The following PRLR variants were observed in gnomAD, a reference collection of about 807,000 sequenced individuals.
PRLR encodes the protein hPRL receptor.
A neutral mutation model predicts 40.2 loss-of-function variants in PRLR; 13 were observed. The observed-to-expected ratio is 0.32, with a 90% CI of 0.21 to 0.51. The LOEUF (loss-of-function observed/expected upper bound fraction) is 0.51, where lower values mean the gene tolerates loss of function less well. PRLR is among the 20% of genes least tolerant of loss of function. The probability of loss-of-function intolerance (pLI) is 0.97; values close to 1 mark genes in which losing one functional copy is unlikely to be tolerated. For synonymous variants in PRLR, 269 were observed against 278.7 expected (o/e 0.97, Z 0.35); for missense variants, 656 against 747.3 (o/e 0.88, Z 1.42).
At chr5:35,136,261 T>G (rs1265248528) in intron 1 of PRLR, among the ~76,000 whole-genome samples, 1 of 152,162 alleles carries the variant, frequency 6.6e-6, no homozygotes, top group East Asian at 1.9e-4. Context: ...CCAATTGAAT[T>G]TCTTAGGTAC....
At chr5:35,135,281 A>C in intron 1 of PRLR, 1 of 152,286 alleles carries the variant, frequency 6.6e-6, no homozygotes, top group East Asian at 1.9e-4. Context: ...CAAGACACAA[A>C]CCAGATCTCT....
At chr5:35,136,088 G>T (rs1773850353) in intron 1 of PRLR, among the ~76,000 whole-genome samples, 1 of 152,220 alleles carries the variant, frequency 6.6e-6, no homozygotes, top group Admixed American at 6.5e-5. Flanking sequence ...AAAATGTGAG[G>T]TAGGGAAATC....
chr5:35,102,808 G>A (rs1247431531), intron 2 of PRLR, among the ~76,000 whole-genome samples: 1 of 152,106 alleles, frequency 6.6e-6, no homozygotes, highest in Non-Finnish European at 1.5e-5. Flanking sequence ...CTCCCAAAGT[G>A]CTGGGATTAC....
intron 1 of PRLR, among the ~76,000 whole-genome samples, chr5:35,139,357 A>G (rs1393227287): frequency 6.6e-6 from 1 of 152,148 alleles, no homozygotes; most frequent in African/African-American, 2.4e-5. Flanking sequence ...GCTGGTCTCA[A>G]ACTCCTGACC....
chr5:35,080,879 A>T (rs1770466330), intron 5 of PRLR, among the ~76,000 whole-genome samples: 1 of 152,084 alleles, frequency 6.6e-6, no homozygotes, highest in South Asian at 2.1e-4. Flanking sequence ...GGATGAGTTC[A>T]TGTCTTCGTA....
intron 1 of PRLR, among the ~76,000 whole-genome samples, chr5:35,172,078 G>A (rs2111946779): frequency 6.6e-6 from 1 of 152,316 alleles, no homozygotes; most frequent in South Asian, 2.1e-4. Context: ...AACAGTGCAA[G>A]CTACATGGTT....
intron 1 of PRLR, among the ~76,000 whole-genome samples, chr5:35,175,115 T>C (rs1775108903): frequency 6.6e-6 from 1 of 152,174 alleles, no homozygotes; most frequent in African/African-American, 2.4e-5. Flanking sequence ...ATAGTTGATA[T>C]GGTTTGGCTC....
At chr5:35,054,758 A>G (rs1768636346), downstream of PRLR, among the ~76,000 whole-genome samples, 1 of 152,224 alleles carries the variant, frequency 6.6e-6, no homozygotes, top group Admixed American at 6.5e-5. Flanking sequence ...AAAGAAAATC[A>G]AAGTGCATAA....
chr5:35,065,563 A>C lies in PRLR; in HGVS notation c.1395T>G (p.Ile465Met). 6.2e-7 allele frequency: 1 copy of C among 1,613,990 alleles called. No individual in the cohort carries two copies. The highest frequency in any genetic ancestry group is 8.5e-7 in the Non-Finnish European group (1 of 1,179,994). ...TTGCCTTTCCCTCTTCTCTAGACTT[A>C]ATGGTTTGAGAGGATTTTAAAGCAT... is the stretch of plus-strand genomic sequence containing the variant. ...GKDALKSSQT[I>M]KSREEGKATQ... Residue 465 changes from isoleucine to methionine, a missense_variant, in exon 10 of 10, where the codon ATT (isoleucine) becomes ATG (methionine). Ile to Met is a conservative substitution (Grantham distance 10). This residue lies in a region of PRLR where 469 missense variants were observed against 491.5 expected (regional missense o/e 0.95). Transcript: ENST00000618457.
Position 35,150,843 on chromosome 5 carries a change from C to A in PRLR, c.-105-32721G>T, listed in dbSNP as rs140915798. On this transcript the variant is annotated intron_variant, in intron 1 of 9. Coordinates refer to ENST00000618457, the MANE Select transcript of PRLR (RefSeq NM_000949.7). The stretch of plus-strand genomic sequence containing the variant: ...ATTTTCTCCCCACAATAATCAATGA[C>A]AAAGCATCTGAAATTTTAGTTTTCT... Among the ~76,000 whole-genome samples the A allele has an allele frequency of 2.1e-3, 322 of 152,272 alleles. 1 individual carries two copies. Among genetic ancestry groups the A allele is most frequent in the African/African-American group, 7.5e-3 (313 of 41,558 alleles).
intron 2 of PRLR, among the ~76,000 whole-genome samples, chr5:35,092,746 G>C (rs1359810208): frequency 6.6e-6 from 1 of 152,110 alleles, no homozygotes; most frequent in African/African-American, 2.4e-5. Context: ...CACACATCCT[G>C]GGGACTATCA....
At chr5:35,147,265 C>T (rs534438129) in intron 1 of PRLR, among the ~76,000 whole-genome samples, 4 of 152,298 alleles carry the variant, frequency 2.6e-5, no homozygotes, top group African/African-American at 9.6e-5. Flanking sequence ...TTGCTGCATA[C>T]TCTAGTATCA....
At chr5:35,179,291 C>A (rs2111971457) in intron 1 of PRLR, among the ~76,000 whole-genome samples, 1 of 152,326 alleles carries the variant, frequency 6.6e-6, no homozygotes, top group Admixed American at 6.5e-5. Context: ...AGCCTTGTTT[C>A]CTGTCTTGAT....
At chr5:35,109,752 CT>C (rs1021289170) in intron 2 of PRLR, among the ~76,000 whole-genome samples, 2 of 152,142 alleles carry the variant, frequency 1.3e-5, no homozygotes, top group African/African-American at 2.4e-5. Flanking sequence ...AATAGGAACA[CT>C]TTTACACTAT....
chr5:35,094,801 C>T (rs1328103511), intron 2 of PRLR, among the ~76,000 whole-genome samples: 3 of 150,942 alleles, frequency 2.0e-5, no homozygotes, highest in South Asian at 2.1e-4. Flanking sequence ...ACATCAGGTA[C>T]CATTTGATTT....
intron 1 of PRLR, among the ~76,000 whole-genome samples, chr5:35,140,499 G>T (rs1218813461): frequency 6.6e-5 from 10 of 152,190 alleles, no homozygotes; most frequent in African/African-American, 2.4e-4. Flanking sequence ...TGGTTGGGTT[G>T]TCTCATCCCT....
chr5:35,110,266 T>C (rs1772573860), intron 2 of PRLR, among the ~76,000 whole-genome samples: 1 of 151,920 alleles, frequency 6.6e-6, no homozygotes, highest in South Asian at 2.1e-4. Flanking sequence ...CTAATGTAAA[T>C]GATGGGTTAA....
intron 1 of PRLR, among the ~76,000 whole-genome samples, chr5:35,215,171 G>T (rs1487503938): frequency 6.6e-6 from 1 of 152,222 alleles, no homozygotes; most frequent in Non-Finnish European, 1.5e-5. Flanking sequence ...TGGCTGTCAT[G>T]TGGTAAGCAG....
chr5:35,194,080 G>A (rs1775674283), intron 1 of PRLR, among the ~76,000 whole-genome samples: 1 of 152,224 alleles, frequency 6.6e-6, no homozygotes. Context: ...CCGTGGCATG[G>A]AGGGTTCAAA....
Sources: allele counts gnomAD v4.1 joint callset (sites outside exome capture counted in the v4.1 genomes callset), GRCh38; gene constraint gnomAD v4.1.1; regional missense constraint gnomAD v4.1.1; transcripts MANE v1.5; gene names NCBI Gene and HGNC (gene_info 2026-07-23, HGNC 2026-07-21).